XRCC4: variants seen among roughly 807,000 people sequenced by gnomAD.
XRCC4 encodes the protein X-ray repair cross complementing 4.
In XRCC4, 28 loss-of-function variants were observed where a neutral mutation model predicts 39.1. That is an observed-to-expected ratio of 0.72 (90% confidence interval 0.53 to 0.98). The LOEUF (loss-of-function observed/expected upper bound fraction) is 0.98. XRCC4 is among the 50% of genes least tolerant of loss of function. The probability of loss-of-function intolerance (pLI) is 0.00; values close to 1 mark genes in which losing one functional copy is unlikely to be tolerated. For synonymous variants in XRCC4, 123 were observed against 126.4 expected (o/e 0.97, Z 0.18); for missense variants, 350 against 376.4 (o/e 0.93, Z 0.58).
At chr5:83,118,533 A>G (rs780395057) in intron 3 of XRCC4, among the ~76,000 whole-genome samples, 19 of 152,164 alleles carry the variant, frequency 1.2e-4, no homozygotes, top group Admixed American at 2.6e-4. Context: ...TAGTTTTACT[A>G]TTATGTTCAC....
At position 83,093,310 on chromosome 5, in the gene XRCC4, T is replaced by A. The variant is rs140707938; in HGVS notation, c.-10-11600T>A. 5.9e-4 allele frequency among the ~76,000 whole-genome samples: 90 copies of A among 152,258 alleles called. No individual in the cohort carries two copies. In the East Asian group the frequency reaches 0.013, roughly 22 times the overall value. ...TACCCAGCAATGGAGCACCTAAATA[T>A]ATAAAGCAAACATTAAAGGGTGTAC... On this transcript the variant is annotated intron_variant, in intron 1 of 7. Transcript: ENST00000396027.
At chr5:83,092,924 G>A (rs1344502655) in intron 1 of XRCC4, among the ~76,000 whole-genome samples, 2 of 151,854 alleles carry the variant, frequency 1.3e-5, no homozygotes, top group Admixed American at 6.6e-5. Flanking sequence ...ACAAAATGGC[G>A]AGAAAGTTAG....
At chr5:83,164,813 T>C (rs914751688) in intron 3 of XRCC4, among the ~76,000 whole-genome samples, 2 of 152,150 alleles carry the variant, frequency 1.3e-5, no homozygotes, top group African/African-American at 4.8e-5. Context: ...AGGGTACATC[T>C]GTGAATCACA....
intron 1 of XRCC4, among the ~76,000 whole-genome samples, chr5:83,095,058 G>A (rs952834858): frequency 6.6e-6 from 1 of 152,086 alleles, no homozygotes; most frequent in Admixed American, 6.6e-5. Context: ...AGCTTTTACA[G>A]GTGTTCGTTG....
At chr5:83,363,661 C>T in the XRCC4 span, among the ~76,000 whole-genome samples, 1 of 152,184 alleles carries the variant, frequency 6.6e-6, no homozygotes, top group Non-Finnish European at 1.5e-5. Flanking sequence ...GCCTAACCTG[C>T]CCACAACCAA....
At chr5:83,213,302 A>G (rs2112762670) in intron 6 of XRCC4, among the ~76,000 whole-genome samples, 1 of 152,242 alleles carries the variant, frequency 6.6e-6, no homozygotes, top group South Asian at 2.1e-4. Flanking sequence ...GGAAGAAATA[A>G]AAATAATAAA....
Position 83,330,870 on chromosome 5 carries a change from A to T in XRCC4, c.894-22261A>T, listed in dbSNP as rs143343488. On this transcript the variant is annotated intron_variant, in intron 7 of 7. Transcript: ENST00000396027. ...GAGAGAAAGGGGAAGACATAGCAAG[A>T]TCTATCTGTCAGGACATTTTTTTGA... Among the ~76,000 whole-genome samples, 1,086 of 152,156 alleles carry T rather than the reference A, an allele frequency of 7.1e-3. 6 individuals are homozygous for T. The highest frequency in any genetic ancestry group is 0.01 in the Non-Finnish European group (707 of 67,954).
chr5:83,131,892 T>G (rs1561349687), intron 3 of XRCC4, among the ~76,000 whole-genome samples: 1 of 152,184 alleles, frequency 6.6e-6, no homozygotes, highest in Non-Finnish European at 1.5e-5. Flanking sequence ...TTAAGGTTCA[T>G]ATTGTTATGT....
chr5:83,370,018 T>G, the XRCC4 span, among the ~76,000 whole-genome samples: 1 of 152,148 alleles, frequency 6.6e-6, no homozygotes, highest in Non-Finnish European at 1.5e-5. Flanking sequence ...ATATATTTAA[T>G]CTTCTGTACT....
the XRCC4 span, among the ~76,000 whole-genome samples, chr5:83,365,825 G>A: frequency 6.6e-6 from 1 of 152,184 alleles, no homozygotes; most frequent in Non-Finnish European, 1.5e-5. Flanking sequence ...TAATTAAGAT[G>A]ATCTTTCCGA....
At chr5:83,276,362 A>G (rs1754333145) in intron 7 of XRCC4, among the ~76,000 whole-genome samples, 1 of 150,100 alleles carries the variant, frequency 6.7e-6, no homozygotes, top group South Asian at 2.1e-4. Context: ...TTAATCCCAA[A>G]TGTGTCAGTA....
chr5:83,104,541 C>G (rs1746103030), intron 1 of XRCC4, among the ~76,000 whole-genome samples: 2 of 152,070 alleles, frequency 1.3e-5, no homozygotes, highest in Non-Finnish European at 2.9e-5. Context: ...TGGTCTTGAA[C>G]TCCTGACCTC....
At chr5:83,167,224 G>A (rs1749524504) in intron 3 of XRCC4, among the ~76,000 whole-genome samples, 2 of 116,786 alleles carry the variant, frequency 1.7e-5, no homozygotes, top group South Asian at 6.5e-4. Context: ...GATCAGTGAT[G>A]TTGAGCTTTT....
intron 3 of XRCC4, among the ~76,000 whole-genome samples, chr5:83,178,098 A>T (rs1750041768): frequency 6.6e-6 from 1 of 152,130 alleles, no homozygotes; most frequent in Admixed American, 6.6e-5. Context: ...TAAGAAGGAA[A>T]AGCAAAATCA....
chr5:83,179,101 A>G (rs149102847), intron 3 of XRCC4, among the ~76,000 whole-genome samples: 36 of 152,366 alleles, frequency 2.4e-4, no homozygotes, highest in African/African-American at 8.2e-4. Flanking sequence ...AAGCTTTAAT[A>G]TAATGACTGA....
chr5:83,112,639 A>G (rs1746497378), intron 3 of XRCC4, among the ~76,000 whole-genome samples: 1 of 152,196 alleles, frequency 6.6e-6, no homozygotes, highest in Non-Finnish European at 1.5e-5. Context: ...AAAAGATTTA[A>G]TTGACTCACA....
At chr5:83,306,436 C>G (rs1049222339) in intron 7 of XRCC4, among the ~76,000 whole-genome samples, 5 of 152,066 alleles carry the variant, frequency 3.3e-5, no homozygotes, top group African/African-American at 1.2e-4. Context: ...GATTTTCTAG[C>G]CACATTTTAA....
intron 6 of XRCC4, among the ~76,000 whole-genome samples, chr5:83,214,573 C>T (rs1228753019): frequency 6.6e-6 from 1 of 152,050 alleles, no homozygotes; most frequent in Non-Finnish European, 1.5e-5. Context: ...TGGCTCACCC[C>T]TGTAATCCCA....
chr5:83,149,672 A>G (rs1240310335), intron 3 of XRCC4, among the ~76,000 whole-genome samples: 1 of 152,178 alleles, frequency 6.6e-6, no homozygotes, highest in Admixed American at 6.5e-5. Context: ...TGATTTATAA[A>G]TGTACCAATA....
Sources: allele counts gnomAD v4.1 joint callset (sites outside exome capture counted in the v4.1 genomes callset), GRCh38; gene constraint gnomAD v4.1.1; transcripts MANE v1.5; gene names NCBI Gene and HGNC (gene_info 2026-07-23, HGNC 2026-07-21).